PLD5: variants seen among roughly 807,000 people sequenced by gnomAD.
PLD5 encodes inactive phospholipase D5.
A neutral mutation model predicts 61.1 loss-of-function variants in PLD5; 36 were observed. The observed-to-expected ratio is 0.59, with a 90% CI of 0.45 to 0.78. The LOEUF (loss-of-function observed/expected upper bound fraction) is 0.78. Among genes scored for constraint, PLD5 ranks in the 30% least tolerant of loss-of-function variants. The pLI, the probability that PLD5 is intolerant of heterozygous loss-of-function variation, is 0.00. For synonymous variants in PLD5, 243 were observed against 242.8 expected (o/e 1.00, Z -0.01); for missense variants, 515 against 644.4 (o/e 0.80, Z 2.17).
intron 5 of PLD5, among the ~76,000 whole-genome samples, chr1:242,216,811 G>A (rs923424993): frequency 3.3e-5 from 5 of 152,196 alleles, no homozygotes; most frequent in African/African-American, 1.2e-4. Context: ...TAGCTAGAAA[G>A]GAGATAATTC....
In PLD5 at chr1:242,089,597, T is replaced by C. The variant is rs1407387501; in HGVS notation, c.*257A>G. 1 of 551,550 alleles carries C rather than the reference T, an allele frequency of 1.8e-6. No individual in the cohort carries two copies. Among genetic ancestry groups the C allele is most frequent in the African/African-American group, 1.9e-5 (1 of 53,004 alleles). 34.2% of individuals were successfully genotyped at this position (551,550 alleles called of 1,614,324 possible). A position where few individuals can be genotyped will look rare whatever the true frequency, so the allele number is the denominator to read the frequency against. On this transcript the variant is annotated 3_prime_UTR_variant, in exon 10 of 10. Coordinates refer to ENST00000536534, the MANE Select transcript of PLD5 (RefSeq NM_001372062.1). The stretch of plus-strand genomic sequence containing the variant: ...AGGAGCAGGAATGAAAGTCTTAAAA[T>C]TTGTATGCAAACGTAAAAACTAACT...
At chr1:242,257,236 T>TA (rs966611531) in intron 4 of PLD5, among the ~76,000 whole-genome samples, 11 of 151,826 alleles carry the variant, frequency 7.2e-5, no homozygotes, top group Admixed American at 6.6e-5. Context: ...CAAAACCTTG[T>TA]AAAAAAAAGT....
intron 2 of PLD5, among the ~76,000 whole-genome samples, chr1:242,308,896 T>G (rs1676530492): frequency 6.6e-6 from 1 of 152,156 alleles, no homozygotes; most frequent in African/African-American, 2.4e-5. Context: ...ATGCCATGTA[T>G]CCTCTTCTGC....
chr1:242,260,229 C>T (rs1022755196), intron 4 of PLD5, among the ~76,000 whole-genome samples: 8 of 151,854 alleles, frequency 5.3e-5, no homozygotes, highest in Non-Finnish European at 1.2e-4. Flanking sequence ...CACCTATAAT[C>T]CCAGCTACTT....
intron 5 of PLD5, among the ~76,000 whole-genome samples, chr1:242,146,972 C>G (rs1398381096): frequency 6.6e-6 from 1 of 152,112 alleles, no homozygotes; most frequent in Non-Finnish European, 1.5e-5. Flanking sequence ...AAATCCATTA[C>G]CATTAGAAAA....
At chr1:242,303,362 A>G (rs1185732286) in intron 2 of PLD5, among the ~76,000 whole-genome samples, 6 of 152,348 alleles carry the variant, frequency 3.9e-5, no homozygotes, top group Middle Eastern at 3.4e-3. Flanking sequence ...TTGAAGTTAC[A>G]ACTTGGAGGC....
chr1:242,319,781 G>C (rs1392584625), intron 2 of PLD5, among the ~76,000 whole-genome samples: 1 of 152,118 alleles, frequency 6.6e-6, no homozygotes, highest in Non-Finnish European at 1.5e-5. Flanking sequence ...TTAATTTTAG[G>C]TTATGTAATA....
intron 5 of PLD5, among the ~76,000 whole-genome samples, chr1:242,127,943 A>G (rs1159890321): frequency 1.3e-5 from 2 of 152,134 alleles, no homozygotes; most frequent in Non-Finnish European, 2.9e-5. Flanking sequence ...CACTTTTACT[A>G]TGTTCAGGTC....
intron 5 of PLD5, among the ~76,000 whole-genome samples, chr1:242,213,371 T>C (rs1462010691): frequency 6.6e-6 from 1 of 152,148 alleles, no homozygotes; most frequent in African/African-American, 2.4e-5. Flanking sequence ...ATGGATGATA[T>C]TTTACTAGCA....
intron 1 of PLD5, among the ~76,000 whole-genome samples, chr1:242,445,633 C>T (rs780255515): frequency 9.2e-5 from 14 of 152,108 alleles, no homozygotes; most frequent in African/African-American, 3.1e-4. Context: ...TGAGCCACCG[C>T]GCCTGGCAAA....
chr1:242,108,134 A>C (rs2148687357), intron 7 of PLD5, among the ~76,000 whole-genome samples: 1 of 152,100 alleles, frequency 6.6e-6, no homozygotes, highest in African/African-American at 2.4e-5. Context: ...CCCTTACTAC[A>C]TCTCTGACGC....
At chr1:242,142,775 A>G (rs1045860821) in intron 5 of PLD5, among the ~76,000 whole-genome samples, 2 of 151,576 alleles carry the variant, frequency 1.3e-5, no homozygotes, top group African/African-American at 4.9e-5. Context: ...TCTGTCTGAC[A>G]GAGTCCCTCT....
At chr1:242,406,813 C>T (rs916166685) in intron 1 of PLD5, among the ~76,000 whole-genome samples, 2 of 152,128 alleles carry the variant, frequency 1.3e-5, no homozygotes, top group Non-Finnish European at 2.9e-5. Flanking sequence ...CTCAGAAGGT[C>T]GTCCTGGTTA....
intron 5 of PLD5, among the ~76,000 whole-genome samples, chr1:242,166,054 G>A (rs935376772): frequency 2.6e-5 from 4 of 152,172 alleles, no homozygotes; most frequent in Non-Finnish European, 5.9e-5. Context: ...CTTTGAACTT[G>A]CTTCCTGTTG....
At chr1:242,114,121 C>T in intron 6 of PLD5, 95 bp from the exon 7 acceptor site, 2 of 1,405,652 alleles carry the variant, frequency 1.4e-6, no homozygotes, top group East Asian at 4.7e-5. Context: ...TGGCTTGTAA[C>T]TATATTTTTG....
chr1:242,345,938 G>A (rs1259284884), intron 2 of PLD5, among the ~76,000 whole-genome samples: 3 of 150,944 alleles, frequency 2.0e-5, no homozygotes, highest in Admixed American at 6.6e-5. Flanking sequence ...TGAGAATGCA[G>A]AACAGAAACA....
chr1:242,106,397 C>G (rs749295549), intron 8 of PLD5, among the ~76,000 whole-genome samples: 2 of 152,152 alleles, frequency 1.3e-5, no homozygotes, highest in Non-Finnish European at 2.9e-5. Flanking sequence ...AATGAGGGTT[C>G]TCTATGAGGC....
intron 1 of PLD5, among the ~76,000 whole-genome samples, chr1:242,467,980 AT>A (rs1667328457): frequency 6.6e-6 from 1 of 152,168 alleles, no homozygotes. Context: ...CAGAATTAAA[AT>A]TGTATTTATT....
chr1:242,286,307 C>A (rs140801681), intron 3 of PLD5, among the ~76,000 whole-genome samples: 8,670 of 151,958 alleles, frequency 0.057, 296 homozygotes, highest in Middle Eastern at 0.12. Context: ...GATGTGCCAT[C>A]TCAAAATATG....
Sources: allele counts gnomAD v4.1 joint callset (sites outside exome capture counted in the v4.1 genomes callset), GRCh38; gene constraint gnomAD v4.1.1; transcripts MANE v1.5; gene names NCBI Gene and HGNC (gene_info 2026-07-23, HGNC 2026-07-21).